Variants in DNAH14 observed in about 807,000 individuals in gnomAD.
DNAH14 encodes dynein axonemal heavy chain 14.
Under a neutral mutation model 520.9 loss-of-function variants are expected in DNAH14, and 478 were observed. That is an observed-to-expected ratio of 0.92 (90% CI 0.85 to 0.99). The LOEUF is 0.99. Among genes scored for constraint, DNAH14 ranks in the 50% least tolerant of loss-of-function variants. The pLI is 0.00. For missense variants in DNAH14, 4,831 were observed against 5,234.5 expected (o/e 0.92, Z 2.38); for synonymous variants, 1,581 against 1,757.2 (o/e 0.90, Z 2.51).
At chr1:225,139,921 C>G (rs905475463) in intron 27 of DNAH14, among the ~76,000 whole-genome samples, 1 of 152,232 alleles carries the variant, frequency 6.6e-6, no homozygotes, top group Non-Finnish European at 1.5e-5. Flanking sequence ...ATCTGCTCAT[C>G]ATGAGCTTGC....
chr1:225,093,720 A>G (rs1365780984), intron 21 of DNAH14, among the ~76,000 whole-genome samples: 1 of 152,198 alleles, frequency 6.6e-6, no homozygotes, highest in Non-Finnish European at 1.5e-5. Flanking sequence ...ATATGATTCT[A>G]TACCTAGAAA....
intron 64 of DNAH14, among the ~76,000 whole-genome samples, chr1:225,328,768 C>T (rs368067528): frequency 1.1e-4 from 17 of 151,956 alleles, no homozygotes; most frequent in African/African-American, 4.1e-4. Flanking sequence ...AGGCCCCATG[C>T]GTTAATATGT....
chr1:225,309,677 G>C (rs990555334), intron 60 of DNAH14, among the ~76,000 whole-genome samples: 1 of 152,106 alleles, frequency 6.6e-6, no homozygotes, highest in Non-Finnish European at 1.5e-5. Flanking sequence ...GGTAGATTAC[G>C]AGGTGAGGAA....
intron 54 of DNAH14, among the ~76,000 whole-genome samples, chr1:225,283,363 C>A (rs2093666379): frequency 6.6e-6 from 1 of 150,412 alleles, no homozygotes; most frequent in African/African-American, 2.4e-5. Context: ...ACAATTACCA[C>A]AAGAAAGTTG....
At position 225,212,172 on chromosome 1, in the gene DNAH14, T is replaced by C. The variant is rs191542799; in HGVS notation, c.6439+4952T>C. 8.6e-5 allele frequency among the ~76,000 whole-genome samples: 13 copies of C among 151,304 alleles called. No individual in the cohort carries two copies. In the South Asian group the frequency reaches 1.5e-3, roughly 17 times the overall value. The stretch of plus-strand genomic sequence containing the variant: ...CATGTGGTGTCTGGTTTTCTGTCCT[T>C]GTGAGAGTTTGCTGAGAATGATGGT... On this transcript the variant is annotated intron_variant, in intron 41 of 85. Transcript: ENST00000682510.
rs1300452375 is a variant in DNAH14 at position 225,390,348 on chromosome 1, C to T, written c.13330+475C>T. Among the ~76,000 whole-genome samples the T allele has an allele frequency of 1.3e-5, 2 of 152,106 alleles. 1 individual carries two copies. The highest frequency in any genetic ancestry group is 1.3e-4 in the Admixed American group (2 of 15,266). On this transcript the variant is annotated intron_variant, in intron 83 of 85. Transcript: ENST00000682510. Reference sequence around the variant, plus strand: ...TCCAGCAGCGAAGGCAGACATGAACCGGAGTGCATTCCAACGATGCGTGGT... The same window carrying T: ...TCCAGCAGCGAAGGCAGACATGAACTGGAGTGCATTCCAACGATGCGTGGT...
chr1:225,068,759 G>A (rs1350315221), intron 17 of DNAH14, among the ~76,000 whole-genome samples: 2 of 152,074 alleles, frequency 1.3e-5, no homozygotes. Flanking sequence ...GATTGTTGTT[G>A]GTGTATAGGA....
At chr1:224,977,732 G>A (rs1299420616) in intron 8 of DNAH14, among the ~76,000 whole-genome samples, 1 of 152,174 alleles carries the variant, frequency 6.6e-6, no homozygotes, top group Non-Finnish European at 1.5e-5. Context: ...AGGGTGAAGA[G>A]ACAGCCTGCA....
intron 36 of DNAH14, among the ~76,000 whole-genome samples, chr1:225,175,872 C>A (rs1573740919): frequency 6.6e-6 from 1 of 151,886 alleles, no homozygotes; most frequent in African/African-American, 2.4e-5. Context: ...GATTCTCCTG[C>A]CTCAGCCTCC....
intron 36 of DNAH14, among the ~76,000 whole-genome samples, chr1:225,173,189 A>T (rs2082908689): frequency 6.6e-6 from 1 of 152,248 alleles, no homozygotes; most frequent in Non-Finnish European, 1.5e-5. Context: ...CATTCAGGAC[A>T]TAGGCATGGC....
intron 71 of DNAH14, among the ~76,000 whole-genome samples, chr1:225,349,568 C>T (rs1300520802): frequency 1.3e-5 from 2 of 152,068 alleles, no homozygotes; most frequent in African/African-American, 2.4e-5. Flanking sequence ...AGACTCACAT[C>T]TAAAGAAACA....
At chr1:225,175,699 A>ATT (rs2083241271) in intron 36 of DNAH14, among the ~76,000 whole-genome samples, 2 of 103,228 alleles carry the variant, frequency 1.9e-5, no homozygotes, top group African/African-American at 8.0e-5. Flanking sequence ...TTTATTTTGG[A>ATT]TCTTTTTTTT....
chr1:225,144,160 T>A (rs1440979197), intron 28 of DNAH14, among the ~76,000 whole-genome samples: 1 of 152,190 alleles, frequency 6.6e-6, no homozygotes, highest in East Asian at 1.9e-4. Context: ...GCAAGGCCAT[T>A]AGCCTCAGAG....
intron 43 of DNAH14, among the ~76,000 whole-genome samples, chr1:225,242,872 T>C (rs1404612581): frequency 1.3e-5 from 2 of 152,214 alleles, no homozygotes; most frequent in African/African-American, 2.4e-5. Context: ...ATGACTATGA[T>C]GTCACTAGGT....
In DNAH14 at chr1:225,392,280, C is replaced by T; in HGVS notation, c.13331-11C>T. ...CACAAGGAACTTGATGGTGTGTGTT[C>T]TTCTCCAAAGCCTTTCTTGCTGCTG... On this transcript the variant is annotated splice_polypyrimidine_tract_variant and intron_variant, in intron 83 of 85. Transcript: ENST00000682510. 1 of 1,552,130 alleles carries T rather than the reference C, an allele frequency of 6.4e-7. No homozygotes were observed. Among genetic ancestry groups the T allele is most frequent in the Non-Finnish European group, 8.7e-7 (1 of 1,147,018 alleles).
intron 77 of DNAH14, among the ~76,000 whole-genome samples, chr1:225,373,331 GGT>G: frequency 6.6e-6 from 1 of 152,156 alleles, no homozygotes; most frequent in Non-Finnish European, 1.5e-5. Flanking sequence ...CGAGCGTGGT[GGT>G]GCGCGCCTGT....
At chr1:225,354,031 C>G (rs1007154614) in intron 73 of DNAH14, 143 bp downstream of exon 73, 1 of 665,050 alleles carries the variant, frequency 1.5e-6, no homozygotes, top group Non-Finnish European at 2.7e-6. Flanking sequence ...GAGGGAAGCA[C>G]CTACGCCTCC....
rs1364117901 is a variant in DNAH14 at position 225,324,368 on chromosome 1, C to T, written c.9627+15C>T. On this transcript the variant is annotated intron_variant, in intron 63 of 85. Transcript: ENST00000682510. ...AAGTACAGAAGGTATGCTTTTCCTC[C>T]TAAACATCTGTCATGATTTGGAAGT... 1.3e-6 allele frequency: 2 copies of T among 1,549,386 alleles called. No homozygotes were observed. The highest frequency in any genetic ancestry group is 2.0e-5 in the Admixed American group (1 of 50,598).
intron 8 of DNAH14, among the ~76,000 whole-genome samples, chr1:224,997,211 G>C (rs1333314132): frequency 6.6e-6 from 1 of 152,056 alleles, no homozygotes; most frequent in East Asian, 1.9e-4. Flanking sequence ...TAGCCATGCT[G>C]TTACCCTCTG....
Sources: allele counts gnomAD v4.1 joint callset (sites outside exome capture counted in the v4.1 genomes callset), GRCh38; gene constraint gnomAD v4.1.1; transcripts MANE v1.5; gene names NCBI Gene and HGNC (gene_info 2026-07-23, HGNC 2026-07-21).